Variants in AUTS2 observed in about 807,000 individuals in gnomAD.
AUTS2 encodes the protein autism susceptibility gene 2 protein.
AUTS2 carries 17 observed loss-of-function variants against 112.4 expected under a neutral mutation model. The observed-to-expected ratio is 0.15, with a 90% confidence interval of 0.10 to 0.23. The LOEUF is 0.23. AUTS2 is among the 10% of genes least tolerant of loss of function. AUTS2 has a pLI of 1.00. For missense variants in AUTS2, 1,510 were observed against 1,701.6 expected (o/e 0.89, Z 1.98); for synonymous variants, 751 against 702.7 (o/e 1.07, Z -1.09).
intron 5 of AUTS2, among the ~76,000 whole-genome samples, chr7:70,440,374 A>G (rs1341565205): frequency 6.6e-6 from 1 of 152,076 alleles, no homozygotes; most frequent in Non-Finnish European, 1.5e-5. Flanking sequence ...ATGCCACTAC[A>G]CTGCACTCCA....
intron 4 of AUTS2, among the ~76,000 whole-genome samples, chr7:70,282,118 G>A (rs1236528927): frequency 6.6e-6 from 1 of 151,964 alleles, no homozygotes. Context: ...ACCTTCCCTG[G>A]GCATGTTAAC....
At chr7:70,133,523 C>G (rs1486836974) in intron 3 of AUTS2, among the ~76,000 whole-genome samples, 7 of 152,118 alleles carry the variant, frequency 4.6e-5, no homozygotes, top group Non-Finnish European at 7.3e-5. Context: ...TAGCAGTGAA[C>G]AGAGTAACTG....
chr7:69,919,264 G>A (rs961075485), intron 2 of AUTS2, among the ~76,000 whole-genome samples: 5 of 152,218 alleles, frequency 3.3e-5, no homozygotes, highest in South Asian at 4.1e-4. Context: ...TAGATACAGC[G>A]TGTGGCTATT....
At chr7:70,355,308 T>C (rs1791955883) in intron 4 of AUTS2, among the ~76,000 whole-genome samples, 1 of 152,064 alleles carries the variant, frequency 6.6e-6, no homozygotes. Flanking sequence ...ATCTGTTGGC[T>C]CTTCTCAAGT....
At chr7:70,099,117 G>A (rs1192583831) in intron 2 of AUTS2, among the ~76,000 whole-genome samples, 4 of 152,040 alleles carry the variant, frequency 2.6e-5, no homozygotes, top group African/African-American at 9.7e-5. Flanking sequence ...CATGGACAAA[G>A]GCCAGGTCTT....
intron 5 of AUTS2, among the ~76,000 whole-genome samples, chr7:70,603,235 T>TA (rs1243505495): frequency 6.6e-6 from 1 of 152,132 alleles, no homozygotes; most frequent in East Asian, 1.9e-4. Context: ...TTCTTTTTTT[T>TA]ATCCTAAGCA....
chr7:70,693,879 CG>C (rs936498039), intron 5 of AUTS2, among the ~76,000 whole-genome samples: 1 of 152,042 alleles, frequency 6.6e-6, no homozygotes, highest in African/African-American at 2.4e-5. Context: ...GCTCGAGCCG[CG>C]GGGGGAGCAA....
At chr7:70,398,756 T>G (rs2130052051) in intron 4 of AUTS2, among the ~76,000 whole-genome samples, 1 of 152,264 alleles carries the variant, frequency 6.6e-6, no homozygotes, top group Non-Finnish European at 1.5e-5. Context: ...CAAAACAATA[T>G]TTAATAGAGG....
intron 1 of AUTS2, among the ~76,000 whole-genome samples, chr7:69,637,253 C>G (rs1036407317): frequency 2.0e-5 from 3 of 152,142 alleles, no homozygotes; most frequent in African/African-American, 7.2e-5. Context: ...CAATAAATTT[C>G]TAGATATTGA....
At position 69,861,326 on chromosome 7, in the gene AUTS2, G is replaced by A. The variant is rs143548322; in HGVS notation, c.310-37960G>A. 5.3e-5 allele frequency among the ~76,000 whole-genome samples: 8 copies of A among 152,252 alleles called. No individual in the cohort carries two copies. In the East Asian group the frequency reaches 1.5e-3, roughly 29 times the overall value. On this transcript the variant is annotated intron_variant, in intron 1 of 18. Coordinates refer to ENST00000342771, the MANE Select transcript of AUTS2 (RefSeq NM_015570.4). ...TATAGAAGTGTGCTGCATGGTGGTT[G>A]GGAAAATAGGGAGGATGCCATTCTC...
chr7:70,592,579 C>T (rs1803000971), intron 5 of AUTS2, among the ~76,000 whole-genome samples: 1 of 152,050 alleles, frequency 6.6e-6, no homozygotes, highest in African/African-American at 2.4e-5. Flanking sequence ...CCAAGCTGGT[C>T]TCGAACTCCT....
chr7:70,011,571 A>G (rs1799809162), intron 2 of AUTS2, among the ~76,000 whole-genome samples: 1 of 152,226 alleles, frequency 6.6e-6, no homozygotes, highest in Non-Finnish European at 1.5e-5. Context: ...TAATTAAGTT[A>G]CTTTAATAAT....
intron 4 of AUTS2, among the ~76,000 whole-genome samples, chr7:70,419,143 AT>A (rs531151382): frequency 2.0e-5 from 3 of 152,072 alleles, no homozygotes; most frequent in East Asian, 1.9e-4. Context: ...ACCTAATATG[AT>A]TTTTTTTAAA....
chr7:70,212,935 T>C (rs1328904826), intron 4 of AUTS2, among the ~76,000 whole-genome samples: 1 of 152,092 alleles, frequency 6.6e-6, no homozygotes, highest in Non-Finnish European at 1.5e-5. Context: ...ATAGAAGAAA[T>C]AAGACTCAGT....
At chr7:70,265,047 A>G (rs7780665) in intron 4 of AUTS2, among the ~76,000 whole-genome samples, 12,133 of 152,244 alleles carry the variant, frequency 0.08, 621 homozygotes, top group African/African-American at 0.13. Flanking sequence ...TATTCCTCAA[A>G]TGTATCTAAT....
At chr7:70,569,203 G>A (rs1801837488) in intron 5 of AUTS2, among the ~76,000 whole-genome samples, 1 of 152,216 alleles carries the variant, frequency 6.6e-6, no homozygotes, top group South Asian at 2.1e-4. Context: ...CCCATGGACT[G>A]TCAGAAACAG....
intron 2 of AUTS2, among the ~76,000 whole-genome samples, chr7:69,922,252 C>G (rs1584445915): frequency 6.6e-6 from 1 of 152,320 alleles, no homozygotes; most frequent in Middle Eastern, 3.4e-3. Context: ...TATAAACTTA[C>G]TACCAACTAG....
At chr7:70,619,793 T>C (rs1222467826) in intron 5 of AUTS2, among the ~76,000 whole-genome samples, 1 of 152,114 alleles carries the variant, frequency 6.6e-6, no homozygotes, top group Non-Finnish European at 1.5e-5. Flanking sequence ...GCATTTCAGA[T>C]GCACCCCCAT....
chr7:70,586,875 C>G (rs891116353), intron 5 of AUTS2, among the ~76,000 whole-genome samples: 1 of 150,052 alleles, frequency 6.7e-6, no homozygotes, highest in Non-Finnish European at 1.5e-5. Context: ...ACTTTCTCTT[C>G]ACTACTTGCA....
Sources: gnomAD v4.1 joint callset for allele counts (sites outside exome capture counted in the v4.1 genomes callset) on GRCh38, gnomAD v4.1.1 for gene constraint, MANE v1.5 for transcripts, NCBI Gene and HGNC (gene_info 2026-07-23, HGNC 2026-07-21) for gene names.